CYP19A1: variants seen among roughly 807,000 people sequenced by gnomAD.
The protein encoded by CYP19A1 is aromatase.
Under a neutral mutation model 44.4 loss-of-function variants are expected in CYP19A1, and 32 were observed. The ratio of observed to expected loss-of-function variants is 0.72; its 90% CI spans 0.54 to 0.97. The LOEUF (loss-of-function observed/expected upper bound fraction) is 0.97, where lower values mean the gene tolerates loss of function less well. CYP19A1 is among the 50% of genes least tolerant of loss of function. The probability of loss-of-function intolerance (pLI) is 0.00; values close to 1 mark genes in which losing one functional copy is unlikely to be tolerated. For missense variants in CYP19A1, 598 were observed against 637.8 expected (o/e 0.94, Z 0.67); for synonymous variants, 212 against 215.6 (o/e 0.98, Z 0.14).
intron 1 of CYP19A1, among the ~76,000 whole-genome samples, chr15:51,301,876 A>T (rs1477250901): frequency 2.6e-5 from 4 of 152,266 alleles, no homozygotes; most frequent in African/African-American, 9.6e-5. Flanking sequence ...TTGCACAAAT[A>T]TTATAAAAGT....
At chr15:51,338,253 G>C (rs1302389110) in intron 1 of CYP19A1, among the ~76,000 whole-genome samples, 1 of 152,218 alleles carries the variant, frequency 6.6e-6, no homozygotes, top group Non-Finnish European at 1.5e-5. Flanking sequence ...GCATAGAACA[G>C]TATAGTTCTT....
At chr15:51,294,331 T>A (rs1269891070) in intron 1 of CYP19A1, among the ~76,000 whole-genome samples, 3 of 144,456 alleles carry the variant, frequency 2.1e-5, no homozygotes, top group Non-Finnish European at 3.0e-5. Flanking sequence ...CGCCGCCCCG[T>A]CTGGGATGTG....
At chr15:51,223,593 T>TCTCTCACTCACACACA (rs1356666512) in intron 4 of CYP19A1, among the ~76,000 whole-genome samples, 2 of 90,146 alleles carry the variant, frequency 2.2e-5, no homozygotes, top group Non-Finnish European at 4.4e-5. Flanking sequence ...TCTCTCTCTC[T>TCTCTCACTCACACACA]CACACACACA....
At chr15:51,252,529 T>A (rs2034356540) in intron 1 of CYP19A1, among the ~76,000 whole-genome samples, 1 of 152,204 alleles carries the variant, frequency 6.6e-6, no homozygotes, top group Non-Finnish European at 1.5e-5. Flanking sequence ...GTGTTACATT[T>A]TTCGGTCCAC....
chr15:51,285,448 T>C (rs1318641397), intron 1 of CYP19A1, among the ~76,000 whole-genome samples: 1 of 152,210 alleles, frequency 6.6e-6, no homozygotes, highest in Non-Finnish European at 1.5e-5. Context: ...GTAATAATGA[T>C]AGCTGTGGCG....
At chr15:51,229,845 G>C (rs1041073877) in intron 3 of CYP19A1, among the ~76,000 whole-genome samples, 5 of 152,156 alleles carry the variant, frequency 3.3e-5, no homozygotes, top group African/African-American at 1.2e-4. Context: ...TGACCCTGGG[G>C]CTTTTGCATA....
intron 1 of CYP19A1, chr15:51,321,928 G>A (rs981669559): frequency 4.7e-5 from 7 of 150,440 alleles, no homozygotes; most frequent in African/African-American, 1.5e-4. Context: ...TTAACTAAAC[G>A]GAGAGAAATG....
In CYP19A1 at chr15:51,305,155, C is replaced by T. The variant is rs181800081; in HGVS notation, c.-39+33340G>A. Among the ~76,000 whole-genome samples, 4 of 152,240 alleles carry T rather than the reference C, an allele frequency of 2.6e-5. No homozygotes were observed. The East Asian group carries it at 5.8e-4, about 22-fold the overall frequency. On this transcript the variant is annotated intron_variant, in intron 1 of 9. Coordinates refer to ENST00000396402, the MANE Select transcript of CYP19A1 (RefSeq NM_000103.4). ...CCTCAAGTTATCCGCCCACCTTGGC[C>T]TCCCAAAGTGCTGGGATCACAGGCG... is the stretch of plus-strand genomic sequence containing the variant.
At chr15:51,221,103 T>A (rs367771033) in intron 5 of CYP19A1, among the ~76,000 whole-genome samples, 8 of 152,132 alleles carry the variant, frequency 5.3e-5, no homozygotes, top group African/African-American at 1.9e-4. Flanking sequence ...TGTTTAATAA[T>A]AAATTCTGTT....
intron 1 of CYP19A1, among the ~76,000 whole-genome samples, chr15:51,335,609 A>G (rs2141033985): frequency 6.6e-6 from 1 of 152,264 alleles, no homozygotes; most frequent in Non-Finnish European, 1.5e-5. Context: ...GCACTTCCTT[A>G]TTTCCAGGTG....
At chr15:51,333,960 G>T (rs2036740028) in intron 1 of CYP19A1, among the ~76,000 whole-genome samples, 1 of 152,126 alleles carries the variant, frequency 6.6e-6, no homozygotes. Context: ...CTGCAGAGAT[G>T]ACAGTTCCCC....
chr15:51,308,557 G>A (rs758899310), intron 1 of CYP19A1, among the ~76,000 whole-genome samples: 1 of 152,134 alleles, frequency 6.6e-6, no homozygotes, highest in Non-Finnish European at 1.5e-5. Flanking sequence ...TCTGCTGTCA[G>A]TGGTAAGGTC....
chr15:51,283,615 C>T (rs554442536), intron 1 of CYP19A1, among the ~76,000 whole-genome samples: 42 of 152,210 alleles, frequency 2.8e-4, no homozygotes, highest in African/African-American at 8.9e-4. Flanking sequence ...TTCCAATTGT[C>T]GGCAATTTGG....
chr15:51,336,883 G>A (rs971201305), intron 1 of CYP19A1, among the ~76,000 whole-genome samples: 4 of 149,296 alleles, frequency 2.7e-5, no homozygotes, highest in African/African-American at 1.0e-4. Flanking sequence ...AGCCTCCTGT[G>A]TCAACAAAAC....
rs2030795679 is a variant in CYP19A1, at chr15:51,210,218, G to A, written c.*590C>T. On this transcript the variant is annotated 3_prime_UTR_variant, in exon 10 of 10. Coordinates refer to ENST00000396402, the MANE Select transcript of CYP19A1 (RefSeq NM_000103.4). The stretch of plus-strand genomic sequence containing the variant: ...TCTGATTAAACTTTTGCCACAGACA[G>A]ATCATATGTAGACAAACAGGAATTA... 5.1e-6 allele frequency: 2 copies of A among 392,822 alleles called. No individual in the cohort carries two copies. The highest frequency in any genetic ancestry group is 4.2e-5 in the African/African-American group (2 of 48,030). 24.3% of individuals were successfully genotyped at this position (392,822 alleles called of 1,614,324 possible).
At chr15:51,211,204 G>A in intron 9 of CYP19A1, 148 bp from the exon 10 acceptor site, 1 of 687,366 alleles carries the variant, frequency 1.5e-6, no homozygotes, top group Non-Finnish European at 2.6e-6. Context: ...ATGAACAACT[G>A]GAACTCAAGC....
intron 1 of CYP19A1, chr15:51,321,737 C>T (rs536198207): frequency 1.3e-5 from 2 of 152,314 alleles, no homozygotes; most frequent in Admixed American, 1.3e-4. Context: ...CTTCAGTGAA[C>T]ATCTACTGAA....
At chr15:51,243,824 T>C (rs1342720839) in intron 1 of CYP19A1, among the ~76,000 whole-genome samples, 1 of 152,266 alleles carries the variant, frequency 6.6e-6, no homozygotes, top group East Asian at 1.9e-4. Flanking sequence ...GCTGTGTTTT[T>C]CAACATGCCA....
intron 1 of CYP19A1, among the ~76,000 whole-genome samples, chr15:51,283,027 A>T (rs1210170834): frequency 6.6e-6 from 1 of 152,176 alleles, no homozygotes; most frequent in Non-Finnish European, 1.5e-5. Context: ...CAGAGATTTT[A>T]AAAAGGCGTA....
Sources: gnomAD v4.1 joint callset for allele counts (sites outside exome capture counted in the v4.1 genomes callset) on GRCh38, gnomAD v4.1.1 for gene constraint, MANE v1.5 for transcripts, NCBI Gene and HGNC (gene_info 2026-07-23, HGNC 2026-07-21) for gene names.